Variants in ATAD3C observed in about 807,000 individuals in gnomAD.
ATAD3C encodes the protein ATPase family AAA domain-containing protein 3C.
In ATAD3C, 38 loss-of-function variants were observed where a neutral mutation model predicts 46.3. The ratio of observed to expected loss-of-function variants is 0.82; its 90% confidence interval spans 0.63 to 1.08. ATAD3C has a LOEUF of 1.08. ATAD3C is among the 50% of genes least tolerant of loss of function. ATAD3C has a pLI of 0.00. For missense variants in ATAD3C, 563 were observed against 572.7 expected (o/e 0.98, Z 0.17); for synonymous variants, 220 against 236.4 (o/e 0.93, Z 0.63).
chr1:1,467,337 G>A (rs1326600890), intron 11 of ATAD3C, among the ~76,000 whole-genome samples: 3 of 152,026 alleles, frequency 2.0e-5, no homozygotes, highest in Non-Finnish European at 4.4e-5. Flanking sequence ...GACCAAAAAT[G>A]ATGTTGAGCA....
At chr1:1,467,423 G>A (rs1639162469) in intron 11 of ATAD3C, among the ~76,000 whole-genome samples, 2 of 152,016 alleles carry the variant, frequency 1.3e-5, no homozygotes, top group South Asian at 2.1e-4. Flanking sequence ...CCGACCCACA[G>A]TGGTGGTCCG....
At position 1,450,346 on chromosome 1, in the gene ATAD3C, G is replaced by A. The variant is rs1256234586; in HGVS notation, c.-338G>A. ...TCAAAAAAAAAAAAAAAAAAAGCAT[G>A]TGTAACGTGAAAAAATGGACACTTT... On this transcript the variant is annotated 5_prime_UTR_variant, in exon 1 of 12. The change creates a new upstream start codon in the 5' untranslated region. Coordinates refer to ENST00000378785, the MANE Select transcript of ATAD3C (RefSeq NM_001039211.3). 2 of 235,148 alleles carry A rather than the reference G, an allele frequency of 8.5e-6. No individual in the cohort carries two copies. Among genetic ancestry groups the A allele is most frequent in the African/African-American group, 2.3e-5 (1 of 44,004 alleles). The allele number at this position is 235,148 out of a possible 1,614,324, so 14.6% of individuals were successfully genotyped here.
chr1:1,464,417 C>T (rs565086127), intron 11 of ATAD3C, among the ~76,000 whole-genome samples: 1 of 151,726 alleles, frequency 6.6e-6, no homozygotes, highest in South Asian at 2.1e-4. Flanking sequence ...TCATCCTGCA[C>T]TGCTCACAGC....
chr1:1,457,196 C>G lies in ATAD3C; in HGVS notation c.741+16C>G, dbSNP rs1019638021. The G allele has an allele frequency of 1.9e-6, 3 of 1,613,364 alleles. No homozygotes were observed. Among genetic ancestry groups the G allele is most frequent in the Middle Eastern group, 1.6e-4 (1 of 6,084 alleles). ...GCGAGCCACTGTGAGTGTCACTAAGCCTCTGTCTGGCCACAGGAGGGTGGT... is the reference window on the plus strand; with the variant it reads ...GCGAGCCACTGTGAGTGTCACTAAGGCTCTGTCTGGCCACAGGAGGGTGGT... On this transcript the variant is annotated intron_variant, in intron 8 of 11. Coordinates refer to ENST00000378785, the MANE Select transcript of ATAD3C (RefSeq NM_001039211.3).
intron 11 of ATAD3C, among the ~76,000 whole-genome samples, chr1:1,466,991 T>C (rs540293729): frequency 6.6e-6 from 1 of 152,148 alleles, no homozygotes; most frequent in South Asian, 2.1e-4. Context: ...GTCTTGTCTT[T>C]CAACTTTTAT....
intron 4 of ATAD3C, among the ~76,000 whole-genome samples, chr1:1,455,216 CAAAAAAAAAAAAAAAAA>C (rs56939451): frequency 2.0e-4 from 10 of 49,280 alleles, no homozygotes; most frequent in African/African-American, 5.1e-4. Flanking sequence ...GACTCCGTCT[CAAAAAAAAAAAAAAAAA>C]AAAAAAAAAA....
At chr1:1,466,011 G>C (rs1339742952) in intron 11 of ATAD3C, among the ~76,000 whole-genome samples, 1 of 151,868 alleles carries the variant, frequency 6.6e-6, no homozygotes, top group Admixed American at 6.6e-5. Flanking sequence ...AAAAGTGTGA[G>C]GTGGGTGGAT....
intron 8 of ATAD3C, among the ~76,000 whole-genome samples, 168 bp from the exon 9 acceptor site, chr1:1,458,993 A>T (rs1017635238): frequency 9.2e-5 from 14 of 151,796 alleles, no homozygotes; most frequent in Non-Finnish European, 4.4e-5. Flanking sequence ...AATCCAGGTT[A>T]CATTCGTGAG....
intron 1 of ATAD3C, among the ~76,000 whole-genome samples, chr1:1,451,521 A>G (rs1468525484): frequency 1.3e-5 from 2 of 151,322 alleles, no homozygotes; most frequent in Admixed American, 6.6e-5. Context: ...TAATTTTTGT[A>G]TTTTTATTAG....
rs769907694 is a variant in ATAD3C at position 1,460,849 on chromosome 1, G to A, written c.912G>A (p.Glu304=). 4 of 1,613,198 alleles carry A rather than the reference G, an allele frequency of 2.5e-6. No individual in the cohort carries two copies. The highest frequency in any genetic ancestry group is 3.4e-6 in the Non-Finnish European group (4 of 1,179,482). Residue 304 remains glutamate, a synonymous_variant, in exon 10 of 12, where the codon GAG becomes GAA. Transcript: ENST00000378785. ...VMVHFDLPGQ[E]ERARLVRMYL... The stretch of plus-strand genomic sequence containing the variant: ...TCCACTTCGACCTGCCAGGGCAGGA[G>A]GAGCGGGCGCGCCTGGTGAGAATGT...
chr1:1,466,242 C>CA (rs1168198351), intron 11 of ATAD3C, among the ~76,000 whole-genome samples: 9,271 of 66,734 alleles, frequency 0.14, 559 homozygotes, highest in Middle Eastern at 0.24. Context: ...ACTTCTGTCT[C>CA]AAAAAAAAAA....
At chr1:1,461,159 A>G (rs1194843837) in intron 10 of ATAD3C, among the ~76,000 whole-genome samples, 1 of 151,534 alleles carries the variant, frequency 6.6e-6, no homozygotes, top group Non-Finnish European at 1.5e-5. Context: ...TCTGGTTTGG[A>G]GGCACAGTCC....
chr1:1,452,131 T>G lies in ATAD3C; in HGVS notation c.152+9T>G, dbSNP rs1638871223. ...TTCTTGGAGTCCATCAGGTGAGCGC[T>G]GCCGAGGCCCGGGCCGGCCGCAGAT... is the stretch of plus-strand genomic sequence containing the variant. On this transcript the variant is annotated intron_variant, in intron 2 of 11. Transcript: ENST00000378785. The G allele has an allele frequency of 6.2e-7, 1 of 1,613,004 alleles. No homozygotes were observed. The highest frequency in any genetic ancestry group is 1.3e-5 in the African/African-American group (1 of 75,048).
Position 1,459,247 on chromosome 1 carries a change from G to C in ATAD3C, c.812+16G>C, listed in dbSNP as rs190264554. Reference sequence around the variant, plus strand: ...ACAGCAACAAGTGAGGGAGCCCCTCGGGTCCTGGGCCCCCGGGCAGGGCTG... The same window carrying C: ...ACAGCAACAAGTGAGGGAGCCCCTCCGGTCCTGGGCCCCCGGGCAGGGCTG... On this transcript the variant is annotated intron_variant, in intron 9 of 11. Coordinates refer to ENST00000378785, the MANE Select transcript of ATAD3C (RefSeq NM_001039211.3). The surrounding 1 kb of genome is among the most constrained non-coding windows in gnomAD (Gnocchi z 4.9). 6.2e-7 allele frequency: 1 copy of C among 1,611,636 alleles called. No individual in the cohort carries two copies. The highest frequency in any genetic ancestry group is 1.3e-5 in the African/African-American group (1 of 74,550).
chr1:1,452,488 G>A, intron 3 of ATAD3C, 54 bp downstream of exon 3: 1 of 1,611,858 alleles, frequency 6.2e-7, no homozygotes, highest in East Asian at 2.2e-5. Context: ...AGCATGTGGG[G>A]GCCTCCTGGA....
At chr1:1,465,106 G>A (rs567559440) in intron 11 of ATAD3C, among the ~76,000 whole-genome samples, 1 of 151,182 alleles carries the variant, frequency 6.6e-6, no homozygotes, top group African/African-American at 2.4e-5. Context: ...GGCTGGTCTC[G>A]GTCTCCTGAC....
chr1:1,454,178 C>T (rs573632628), intron 3 of ATAD3C, among the ~76,000 whole-genome samples, 167 bp from the exon 4 acceptor site: 2 of 152,164 alleles, frequency 1.3e-5, no homozygotes, highest in South Asian at 2.1e-4. Context: ...CCTGTAACCG[C>T]GTGGCTGTGG....
At chr1:1,460,480 C>CT (rs1035029501) in intron 9 of ATAD3C, among the ~76,000 whole-genome samples, 3 of 152,022 alleles carry the variant, frequency 2.0e-5, no homozygotes, top group Non-Finnish European at 4.4e-5. Context: ...CCGGCACTGC[C>CT]TATCAGGCTG....
intron 1 of ATAD3C, among the ~76,000 whole-genome samples, 155 bp downstream of exon 1, chr1:1,450,913 A>C (rs1002162501): frequency 6.6e-6 from 1 of 151,688 alleles, no homozygotes; most frequent in Non-Finnish European, 1.5e-5. Context: ...TCACAGAAGG[A>C]AACAAGGGGA....
Sources: allele counts gnomAD v4.1 joint callset (sites outside exome capture counted in the v4.1 genomes callset), GRCh38; gene constraint gnomAD v4.1.1; non-coding constraint Gnocchi (gnomAD v3.1); transcripts MANE v1.5; gene names NCBI Gene and HGNC (gene_info 2026-07-23, HGNC 2026-07-21).